Variants in RPL37 observed in about 807,000 individuals in gnomAD.
RPL37 encodes the protein ribosomal protein L37, also known as large ribosomal subunit protein eL37.
A neutral mutation model predicts 14.8 loss-of-function variants in RPL37; 1 was observed. The ratio of observed to expected loss-of-function variants is 0.07; its 90% CI spans 0.02 to 0.32. The LOEUF (loss-of-function observed/expected upper bound fraction) is 0.32, where lower values mean the gene tolerates loss of function less well. Among genes scored for constraint, RPL37 ranks in the 10% least tolerant of loss-of-function variants. RPL37 has a pLI of 1.00. For synonymous variants in RPL37, 53 were observed against 45.8 expected (o/e 1.16, Z -0.63); for missense variants, 100 against 128.3 (o/e 0.78, Z 1.06).
Position 40,835,044 on chromosome 5 carries a change from T to C in RPL37, c.3+139A>G. On this transcript the variant is annotated intron_variant, in intron 1 of 3. Coordinates refer to ENST00000274242, the MANE Select transcript of RPL37 (RefSeq NM_000997.5). The stretch of plus-strand genomic sequence containing the variant: ...CAGTTAGCAGTCATTCTTCTGGCTC[T>C]TGAGGGCCACCGCATGCCTCTTTCC... 4 of 1,177,710 alleles carry C rather than the reference T, an allele frequency of 3.4e-6. No homozygotes were observed. The South Asian group carries it at 5.2e-5, about 15-fold the overall frequency. The allele number at this position is 1,177,710 out of a possible 1,614,324, so 73.0% of individuals were successfully genotyped here.
At position 40,826,555 on chromosome 5, in the gene RPL37, G is replaced by A. The variant is rs1185433361; in HGVS notation, c.*5949C>T. On this transcript the variant is annotated 3_prime_UTR_variant, in exon 4 of 4. Coordinates refer to ENST00000274242, the MANE Select transcript of RPL37 (RefSeq NM_000997.5). Reference sequence around the variant, plus strand: ...GAAACCCAGTGAAAGGAACTTCAAGGAAGCCCTTCAGAGAGCTTTGAAATG... The same window carrying A: ...GAAACCCAGTGAAAGGAACTTCAAGAAAGCCCTTCAGAGAGCTTTGAAATG... The A allele has an allele frequency of 6.6e-6, 1 of 152,146 alleles. No individual in the cohort carries two copies. Among genetic ancestry groups the A allele is most frequent in the African/African-American group, 2.4e-5 (1 of 41,430 alleles). The allele number at this position is 152,146 out of a possible 1,614,324, so 9.4% of individuals were successfully genotyped here. A position where few individuals can be genotyped will look rare whatever the true frequency, so the allele number is the denominator to read the frequency against.
Position 40,830,825 on chromosome 5 carries a change from C to T in RPL37, c.*1679G>A, listed in dbSNP as rs1631660. On this transcript the variant is annotated 3_prime_UTR_variant, in exon 4 of 4. Transcript: ENST00000274242. ...GTTGTTTATATGGGGGTCAGGGTAC[C>T]TTCACTAGACTTAGACTTCTGAAGC... 0.98 allele frequency: 149,516 copies of T among 152,016 alleles called. 73,594 individuals carry two copies. The highest frequency in any genetic ancestry group is 1 in the African/African-American group (41,365 of 41,458). The allele number at this position is 152,016 out of a possible 1,614,324, so 9.4% of individuals were successfully genotyped here. A position where few individuals can be genotyped will look rare whatever the true frequency, so the allele number is the denominator to read the frequency against.
chr5:40,834,683 C>T (rs1205870376), intron 1 of RPL37, 77 bp from the exon 2 acceptor site: 1 of 1,478,076 alleles, frequency 6.8e-7, no homozygotes, highest in African/African-American at 1.4e-5. Context: ...AAACCAATTA[C>T]TGATAAAATT....
chr5:40,834,150 G>C, intron 3 of RPL37, 31 bp downstream of exon 3: 1 of 1,498,452 alleles, frequency 6.7e-7, no homozygotes. Flanking sequence ...AAGCCCACTG[G>C]ACCAATTATG....
rs1000255574 is a variant in RPL37 at position 40,826,346 on chromosome 5, TA to T, written c.*6157del. The T allele has an allele frequency of 2.5e-4, 38 of 152,082 alleles. No individual in the cohort carries two copies. Among genetic ancestry groups the T allele is most frequent in the African/African-American group, 8.9e-4 (37 of 41,400 alleles). 9.4% of individuals were successfully genotyped at this position (152,082 alleles called of 1,614,324 possible). A position where few individuals can be genotyped will look rare whatever the true frequency, so the allele number is the denominator to read the frequency against. ...GTGGTCAGTTTTCAGTTTTTATCAT[TA>T]TTTATTATTTTATTTTTTATATCCC... On this transcript the variant is annotated 3_prime_UTR_variant, in exon 4 of 4. Transcript: ENST00000274242.
rs543269829 is a variant in RPL37, at chr5:40,826,005, G to C, written c.*6499C>G. On this transcript the variant is annotated 3_prime_UTR_variant, in exon 4 of 4. Transcript: ENST00000274242. The stretch of plus-strand genomic sequence containing the variant: ...ATTACAGATGTGAGCCTCCGCACCC[G>C]GCCGCTCCTCAGTCAATTCTAAACA... 3 of 152,136 alleles carry C rather than the reference G, an allele frequency of 2.0e-5. No individual in the cohort carries two copies. The highest frequency in any genetic ancestry group is 1.3e-4 in the Admixed American group (2 of 15,268). The allele number at this position is 152,136 out of a possible 1,614,324, so 9.4% of individuals were successfully genotyped here. A position where few individuals can be genotyped will look rare whatever the true frequency, so the allele number is the denominator to read the frequency against.
intron 3 of RPL37, among the ~76,000 whole-genome samples, chr5:40,833,451 T>C (rs895583225): frequency 9.9e-5 from 15 of 152,234 alleles, no homozygotes; most frequent in Non-Finnish European, 1.8e-4. Context: ...TAGAAACTAC[T>C]CTTTAATATG....
At chr5:40,834,786 A>G (rs578234131) in intron 1 of RPL37, among the ~76,000 whole-genome samples, 180 bp from the exon 2 acceptor site, 1 of 152,068 alleles carries the variant, frequency 6.6e-6, no homozygotes, top group Non-Finnish European at 1.5e-5. Context: ...GTTACCTAAA[A>G]CCCTCCGCAA....
chr5:40,825,560 G>C lies in RPL37; in HGVS notation c.*6944C>G, dbSNP rs748908329. On this transcript the variant is annotated 3_prime_UTR_variant, in exon 4 of 4. Transcript: ENST00000274242. Reference sequence around the variant, plus strand: ...CTTGGGGAGCTGCTGCTTCTCTGTAGGTTGCTTCCCTGTGACGCAGGGACC... The same window carrying C: ...CTTGGGGAGCTGCTGCTTCTCTGTACGTTGCTTCCCTGTGACGCAGGGACC... 6.6e-6 allele frequency: 1 copy of C among 152,362 alleles called. No individual in the cohort carries two copies. The highest frequency in any genetic ancestry group is 1.5e-5 in the Non-Finnish European group (1 of 68,198). 9.4% of individuals were successfully genotyped at this position (152,362 alleles called of 1,614,324 possible).
At chr5:40,833,646 T>C (rs1579793799) in intron 3 of RPL37, among the ~76,000 whole-genome samples, 1 of 152,306 alleles carries the variant, frequency 6.6e-6, no homozygotes, top group South Asian at 2.1e-4. Flanking sequence ...TTCACTACTG[T>C]CTTGACAAAT....
At chr5:40,833,313 T>C (rs572788687) in intron 3 of RPL37, among the ~76,000 whole-genome samples, 3 of 152,292 alleles carry the variant, frequency 2.0e-5, no homozygotes, top group African/African-American at 7.2e-5. Flanking sequence ...CACAAAGAAT[T>C]ATCCAGCCCA....
chr5:40,833,204 G>T (rs78264092), intron 3 of RPL37, among the ~76,000 whole-genome samples: 1 of 152,166 alleles, frequency 6.6e-6, no homozygotes, highest in African/African-American at 2.4e-5. Context: ...ACAAAGCCCT[G>T]AACTGTCTTG....
rs891111884 is a variant in RPL37 at position 40,830,150 on chromosome 5, C to G, written c.*2354G>C. The stretch of plus-strand genomic sequence containing the variant: ...TCAGGCAGAGGACAGAGTTGAAAAG[C>G]AGATGGGGTACTTAGGAAAAATAAA... On this transcript the variant is annotated 3_prime_UTR_variant, in exon 4 of 4. Coordinates refer to ENST00000274242, the MANE Select transcript of RPL37 (RefSeq NM_000997.5). The G allele has an allele frequency of 1.3e-5, 2 of 152,094 alleles. No individual in the cohort carries two copies. The highest frequency in any genetic ancestry group is 1.3e-4 in the Admixed American group (2 of 15,262). The allele number at this position is 152,094 out of a possible 1,614,324, so 9.4% of individuals were successfully genotyped here. A position where few individuals can be genotyped will look rare whatever the true frequency, so the allele number is the denominator to read the frequency against.
In RPL37 at chr5:40,825,269, G is replaced by A. The variant is rs891168793; in HGVS notation, c.*7235C>T. 1.3e-5 allele frequency: 2 copies of A among 152,060 alleles called. No homozygotes were observed. Among genetic ancestry groups the A allele is most frequent in the Admixed American group, 6.6e-5 (1 of 15,262 alleles). The allele number at this position is 152,060 out of a possible 1,614,324, so 9.4% of individuals were successfully genotyped here. ...TTTGCTGCAAAAGTAGTATTTCATT[G>A]TACAATATCTTTATTAAAGAAATGC... On this transcript the variant is annotated 3_prime_UTR_variant, in exon 4 of 4. Coordinates refer to ENST00000274242, the MANE Select transcript of RPL37 (RefSeq NM_000997.5).
intron 1 of RPL37, 40 bp from the exon 2 acceptor site, chr5:40,834,646 C>G: frequency 6.4e-7 from 1 of 1,555,714 alleles, no homozygotes; most frequent in Non-Finnish European, 8.7e-7. Flanking sequence ...AACCTGGCAA[C>G]TTCTAGATTT....
At chr5:40,834,688 A>C in intron 1 of RPL37, 82 bp from the exon 2 acceptor site, 1 of 1,465,700 alleles carries the variant, frequency 6.8e-7, no homozygotes. Flanking sequence ...AATTACTGAT[A>C]AAATTTAAAG....
chr5:40,831,143 G>GGT lies in RPL37; in HGVS notation c.*1359_*1360dup, dbSNP rs1162102040. On this transcript the variant is annotated 3_prime_UTR_variant, in exon 4 of 4. Coordinates refer to ENST00000274242, the MANE Select transcript of RPL37 (RefSeq NM_000997.5). ...CTACAAAAAACACAAAAATTAGCCA[G>GGT]GTGTGGTGGTGTGCATCTGTAGTCC... The GGT allele has an allele frequency of 3.9e-5, 6 of 152,194 alleles. No individual in the cohort carries two copies. Among genetic ancestry groups the GGT allele is most frequent in the African/African-American group, 1.4e-4 (6 of 41,432 alleles). 9.4% of individuals were successfully genotyped at this position (152,194 alleles called of 1,614,324 possible).
Position 40,828,593 on chromosome 5 carries a change from T to C in RPL37, c.*3911A>G, listed in dbSNP as rs1351647678. ...ACCTCTTGGCAAACTGGTTTTTCTT[T>C]GCTGCTCTAACATGAGAGAGGTTTA... On this transcript the variant is annotated 3_prime_UTR_variant, in exon 4 of 4. Coordinates refer to ENST00000274242, the MANE Select transcript of RPL37 (RefSeq NM_000997.5). 6.6e-6 allele frequency: 1 copy of C among 152,236 alleles called. No individual in the cohort carries two copies. The highest frequency in any genetic ancestry group is 1.5e-5 in the Non-Finnish European group (1 of 68,044). 9.4% of individuals were successfully genotyped at this position (152,236 alleles called of 1,614,324 possible).
rs143440452 is a variant in RPL37, at chr5:40,835,068, C to A, written c.3+115G>T. 1.6e-3 allele frequency: 2,310 copies of A among 1,458,318 alleles called. 20 individuals carry two copies. The African/African-American group carries it at 0.024, about 15-fold the overall frequency. The allele number at this position is 1,458,318 out of a possible 1,614,324, so 90.3% of individuals were successfully genotyped here. On this transcript the variant is annotated intron_variant, in intron 1 of 3. Coordinates refer to ENST00000274242, the MANE Select transcript of RPL37 (RefSeq NM_000997.5). ...CTTGAGGGCCACCGCATGCCTCTTT[C>A]CAGCCCACCAGTTCCCCTTATCCGG...
Sources: gnomAD v4.1 joint callset for allele counts (sites outside exome capture counted in the v4.1 genomes callset) on GRCh38, gnomAD v4.1.1 for gene constraint, MANE v1.5 for transcripts, NCBI Gene and HGNC (gene_info 2026-07-23, HGNC 2026-07-21) for gene names.